MYH7B: variants seen among roughly 807,000 people sequenced by gnomAD.
MYH7B encodes the protein myosin heavy chain 7B.
Under a neutral mutation model 234.5 loss-of-function variants are expected in MYH7B, and 205 were observed. The ratio of observed to expected loss-of-function variants is 0.87; its 90% CI spans 0.78 to 0.98. The LOEUF (loss-of-function observed/expected upper bound fraction) is 0.98. MYH7B is among the 50% of genes least tolerant of loss of function. MYH7B has a pLI of 0.00. For missense variants in MYH7B, 2,652 were observed against 2,633.4 expected (o/e 1.01, Z -0.15); for synonymous variants, 1,193 against 1,105.0 (o/e 1.08, Z -1.58).
intron 10 of MYH7B, among the ~76,000 whole-genome samples, chr20:34,983,998 T>TC (rs773727056): frequency 2.0e-5 from 3 of 152,068 alleles, no homozygotes; most frequent in Non-Finnish European, 4.4e-5. Flanking sequence ...ATTCACTTAG[T>TC]CCCCCTGGGT....
intron 4 of MYH7B, 124 bp downstream of exon 4, chr20:34,977,804 G>T: frequency 6.7e-7 from 1 of 1,499,034 alleles, no homozygotes; most frequent in Non-Finnish European, 9.2e-7. Context: ...GGTGTTTGAG[G>T]GTGTGCATGT....
intron 24 of MYH7B, among the ~76,000 whole-genome samples, chr20:34,992,872 C>T (rs1236907985): frequency 6.6e-6 from 1 of 152,126 alleles, no homozygotes; most frequent in East Asian, 1.9e-4. Context: ...ACCCAGCCAA[C>T]CCCCCAGGGA....
chr20:35,000,447 G>A lies in MYH7B; in HGVS notation c.4936G>A (p.Ala1646Thr), dbSNP rs752279864. ...CCATGCCACCCGTCAGGCCACAGAGGCCCAGGCTGCCACGCGGCTGATGCA... is the reference window on the plus strand; with the variant it reads ...CCATGCCACCCGTCAGGCCACAGAGACCCAGGCTGCCACGCGGCTGATGCA... Residue 1646 changes from alanine to threonine, a missense_variant, in exon 39 of 45, where the codon GCC becomes ACC. By Grantham distance (58) the Ala-to-Thr change is moderately conservative. This residue lies in a region of MYH7B where 2,279 missense variants were observed against 2,211.4 expected (regional missense o/e 1.03). Coordinates refer to ENST00000262873, the Ensembl canonical transcript of MYH7B. The A allele has an allele frequency of 5.0e-6, 8 of 1,601,918 alleles. No homozygotes were observed. In the Admixed American group the frequency reaches 1.3e-4, roughly 27 times the overall value.
chr20:34,990,396 G>C, intron 22 of MYH7B, 86 bp downstream of exon 22: 1 of 1,461,632 alleles, frequency 6.8e-7, no homozygotes, highest in Admixed American at 1.7e-5. Context: ...CTGTGCCTTG[G>C]GCGGGCGGCT....
chr20:34,987,047 C>T, intron 15 of MYH7B, 58 bp downstream of exon 15: 1 of 1,608,884 alleles, frequency 6.2e-7, no homozygotes, highest in Non-Finnish European at 8.5e-7. Context: ...TCGGGCAGCA[C>T]TGCCGGTGCC....
At position 34,961,208 on chromosome 20, in the gene MYH7B, T is replaced by C. The variant is rs193244358; in HGVS notation, c.-222+2996T>C. On this transcript the variant is annotated intron_variant, in intron 2 of 44. Coordinates refer to ENST00000262873, the Ensembl canonical transcript of MYH7B. ...TATACTTATGTATCCACTTACTTTT[T>C]GGCAGGATGGATCTGTTTTGACTCA... 2.6e-5 allele frequency among the ~76,000 whole-genome samples: 4 copies of C among 152,358 alleles called. No individual in the cohort carries two copies. In the East Asian group the frequency reaches 7.7e-4, roughly 29 times the overall value.
At chr20:35,001,289 C>T (rs755337363) in exon 42 of MYH7B, 45 of 1,612,806 alleles carry the variant, frequency 2.8e-5, no homozygotes, top group South Asian at 3.3e-5. Context: ...AGAAGAAGCA[C>T]GCCGAGGCCC....
At chr20:34,986,892 T>C (rs1346322169) in exon 15 of MYH7B, 1 of 1,613,656 alleles carries the variant, frequency 6.2e-7, no homozygotes. Context: ...CCAGACATGC[T>C]GCTTCTGTCT....
chr20:34,966,045 C>T (rs1210429390), intron 2 of MYH7B, among the ~76,000 whole-genome samples: 32 of 148,264 alleles, frequency 2.2e-4, no homozygotes, highest in Non-Finnish European at 7.4e-5. Flanking sequence ...TTGGAAGGGA[C>T]TGAATCCTGA....
intron 7 of MYH7B, 66 bp downstream of exon 7, chr20:34,979,870 T>G: frequency 1.3e-6 from 2 of 1,500,202 alleles, no homozygotes; most frequent in Non-Finnish European, 9.0e-7. Flanking sequence ...AGAGATGAGG[T>G]GCTGGGGGCG....
At position 35,001,077 on chromosome 20, in the gene MYH7B, C is replaced by T. The variant is rs376844773; in HGVS notation, c.5394C>T (p.Arg1798=). Residue 1798 remains arginine, a synonymous_variant, in exon 41 of 45, where the codon CGC becomes CGT. Transcript: ENST00000262873. ...AGAAGACGCTGGAGCAGACGGTGCG[C>T]GAGCTCCAGGCCCGCCTTGAGGAGG... The T allele has an allele frequency of 3.0e-5, 49 of 1,613,650 alleles. No homozygotes were observed. Among genetic ancestry groups the T allele is most frequent in the Middle Eastern group, 3.5e-4 (2 of 5,780 alleles).
intron 23 of MYH7B, 40 bp downstream of exon 23, chr20:34,990,865 T>A: frequency 6.2e-7 from 1 of 1,609,570 alleles, no homozygotes; most frequent in South Asian, 1.1e-5. Context: ...CCGGGAGGCA[T>A]CATGGGAAGG....
At chr20:34,977,791 C>G (rs759698952) in intron 4 of MYH7B, 111 bp downstream of exon 4, 1 of 1,510,438 alleles carries the variant, frequency 6.6e-7, no homozygotes. Context: ...TGGAGGAAGC[C>G]CTGGTGTTTG....
At chr20:34,993,388 C>G (rs769658780) in exon 26 of MYH7B, 2 of 1,613,698 alleles carry the variant, frequency 1.2e-6, no homozygotes, top group South Asian at 2.2e-5. Context: ...TGACCAGCGC[C>G]TGGCCAAGGT....
In MYH7B at chr20:34,985,111, TC is replaced by T. The variant is rs2081997312; in HGVS notation, c.789del (p.Ala264ArgfsTer13). The T allele has an allele frequency of 1.9e-6, 3 of 1,614,052 alleles. No homozygotes were observed. The highest frequency in any genetic ancestry group is 4.5e-5 in the East Asian group (2 of 44,866). On this transcript the variant is annotated frameshift_variant, in exon 13 of 45. Coordinates refer to ENST00000262873, the Ensembl canonical transcript of MYH7B. LOFTEE classifies it high-confidence loss of function. ...CTTTGGTCCCTCTGGGAAGCTGGCA[TC>T]CGCGGATATTGACAGCTGTGAGTCA...
At chr20:34,987,174 G>T in exon 16 of MYH7B, 1 of 1,613,410 alleles carries the variant, frequency 6.2e-7, no homozygotes. Context: ...CTAGGCTTCA[G>T]CGTGGATGAG....
intron 10 of MYH7B, among the ~76,000 whole-genome samples, chr20:34,983,681 AC>A (rs2081974910): frequency 6.6e-6 from 1 of 152,106 alleles, no homozygotes; most frequent in African/African-American, 2.4e-5. Context: ...AGCTCCCCTT[AC>A]CTTGGCCCCA....
chr20:35,001,474 T>C, exon 43 of MYH7B: 2 of 1,609,866 alleles, frequency 1.2e-6, no homozygotes, highest in Non-Finnish European at 1.7e-6. Context: ...CAGGACCTGG[T>C]GGACAAGCTG....
exon 26 of MYH7B, chr20:34,993,400 CTGA>C (rs770504279): frequency 1.2e-6 from 2 of 1,613,162 alleles, no homozygotes; most frequent in African/African-American, 2.7e-5. Flanking sequence ...GGCCAAGGTG[CTGA>C]CGCTGCTGCA....
Sources: allele counts gnomAD v4.1 joint callset (sites outside exome capture counted in the v4.1 genomes callset), GRCh38; gene constraint gnomAD v4.1.1; regional missense constraint gnomAD v4.1.1; transcripts MANE v1.5; gene names NCBI Gene and HGNC (gene_info 2026-07-23, HGNC 2026-07-21).